The following VOPP1 variants were observed in gnomAD, a reference collection of about 807,000 sequenced individuals.
The protein encoded by VOPP1 is VOPP1 WW domain binding protein.
Under a neutral mutation model 23.5 loss-of-function variants are expected in VOPP1, and 8 were observed. That is an observed-to-expected ratio of 0.34 (90% CI 0.20 to 0.61). VOPP1 has a LOEUF of 0.61. Ranked by LOEUF, VOPP1 falls within the 20% of genes least tolerant of loss-of-function variation. VOPP1 has a pLI of 0.78. For missense variants in VOPP1, 174 were observed against 238.1 expected (o/e 0.73, Z 1.77); for synonymous variants, 83 against 97.3 (o/e 0.85, Z 0.86).
At chr7:55,542,744 C>T (rs1035997992) in intron 1 of VOPP1, among the ~76,000 whole-genome samples, 1 of 151,320 alleles carries the variant, frequency 6.6e-6, no homozygotes, top group South Asian at 2.1e-4. Context: ...GAACCGAGAT[C>T]GTGCCATTGT....
chr7:55,458,068 T>C (rs1045446979), intron 4 of VOPP1, among the ~76,000 whole-genome samples: 3 of 152,210 alleles, frequency 2.0e-5, no homozygotes, highest in African/African-American at 4.8e-5. Flanking sequence ...TCAGGTCTTA[T>C]ATTTATGTCT....
At chr7:55,445,268 TACACACACAGACACAC>T (rs1404435086) in intron 4 of VOPP1, among the ~76,000 whole-genome samples, 3 of 126,066 alleles carry the variant, frequency 2.4e-5, no homozygotes, top group African/African-American at 9.1e-5. Flanking sequence ...CACACAGACA[TACACACACAGACACAC>T]ACACACACAG....
At chr7:55,493,935 G>A (rs892117360) in intron 3 of VOPP1, among the ~76,000 whole-genome samples, 1 of 152,176 alleles carries the variant, frequency 6.6e-6, no homozygotes, top group African/African-American at 2.4e-5. Flanking sequence ...GAGCAAGACT[G>A]GGAACACTGC....
chr7:55,561,128 T>C (rs1797970841), intron 1 of VOPP1, among the ~76,000 whole-genome samples: 1 of 152,222 alleles, frequency 6.6e-6, no homozygotes, highest in Middle Eastern at 3.4e-3. Flanking sequence ...CCACAACCGC[T>C]GTGCGACCTT....
intron 1 of VOPP1, among the ~76,000 whole-genome samples, chr7:55,566,990 T>C (rs1023602799): frequency 6.6e-6 from 1 of 152,192 alleles, no homozygotes; most frequent in Non-Finnish European, 1.5e-5. Flanking sequence ...AATACTGTCA[T>C]TTCCCCTCAA....
intron 2 of VOPP1, among the ~76,000 whole-genome samples, chr7:55,499,894 C>T (rs998419124): frequency 2.0e-5 from 3 of 152,098 alleles, no homozygotes; most frequent in African/African-American, 4.8e-5. Context: ...TGCAATTCTC[C>T]GAGGCCTTCC....
chr7:55,481,855 T>A (rs1378295505), intron 4 of VOPP1, among the ~76,000 whole-genome samples: 1 of 152,160 alleles, frequency 6.6e-6, no homozygotes. Flanking sequence ...AAGCACGAAG[T>A]TTGAAACAAA....
chr7:55,444,320 G>C (rs1202292272), intron 4 of VOPP1, among the ~76,000 whole-genome samples: 1 of 152,140 alleles, frequency 6.6e-6, no homozygotes, highest in African/African-American at 2.4e-5. Context: ...TCCAAATAAA[G>C]TCGCATTCTA....
chr7:55,480,392 C>T lies in VOPP1; in HGVS notation c.329-7347G>A, dbSNP rs1240014844. Among the ~76,000 whole-genome samples the T allele has an allele frequency of 3.3e-5, 5 of 152,270 alleles. No individual in the cohort carries two copies. In the East Asian group the frequency reaches 9.6e-4, roughly 29 times the overall value. On this transcript the variant is annotated intron_variant, in intron 4 of 4. Coordinates refer to ENST00000285279, the MANE Select transcript of VOPP1 (RefSeq NM_030796.5). ...ATGAATACTTCCTTGTGATTTTCAA[C>T]TCCTTTGAATCTGTAGTGTTTTAAT...
chr7:55,457,275 A>G (rs1791390537), intron 4 of VOPP1, among the ~76,000 whole-genome samples: 1 of 152,172 alleles, frequency 6.6e-6, no homozygotes, highest in Non-Finnish European at 1.5e-5. Flanking sequence ...TCATTTTTTA[A>G]TGTTGCTGCA....
chr7:55,441,161 A>G (rs1790955402), intron 4 of VOPP1, among the ~76,000 whole-genome samples: 1 of 152,326 alleles, frequency 6.6e-6, no homozygotes, highest in South Asian at 2.1e-4. Flanking sequence ...CCCGCTCTGC[A>G]GATGGCTGTG....
chr7:55,445,532 G>A (rs928790678), intron 4 of VOPP1, among the ~76,000 whole-genome samples: 1 of 152,190 alleles, frequency 6.6e-6, no homozygotes, highest in Admixed American at 6.5e-5. Flanking sequence ...TCCAGTCTAA[G>A]TACATCTTTT....
At chr7:55,572,244 C>A (rs1798390769) in intron 1 of VOPP1, 27 bp downstream of exon 1, 4 of 1,510,154 alleles carry the variant, frequency 2.6e-6, no homozygotes, top group Non-Finnish European at 3.5e-6. Flanking sequence ...GCCGCGCCTC[C>A]GGCAGCACCC....
At chr7:55,538,717 T>C in intron 1 of VOPP1, 1 of 1,499,262 alleles carries the variant, frequency 6.7e-7, no homozygotes, top group Non-Finnish European at 9.0e-7. Flanking sequence ...GAGGGCGGAT[T>C]AAAATGAGTC....
At chr7:55,565,633 A>T (rs1798139304) in intron 1 of VOPP1, among the ~76,000 whole-genome samples, 1 of 152,242 alleles carries the variant, frequency 6.6e-6, no homozygotes. Flanking sequence ...TTAGGTTTTT[A>T]AAAAATAATA....
intron 1 of VOPP1, among the ~76,000 whole-genome samples, chr7:55,560,842 TTCCAA>T (rs1304394569): frequency 6.6e-6 from 1 of 152,164 alleles, no homozygotes; most frequent in Non-Finnish European, 1.5e-5. Context: ...CTTGTTCATT[TTCCAA>T]TCCATCAACC....
At position 55,538,741 on chromosome 7, in the gene VOPP1, T is replaced by C. The variant is rs577993463; in HGVS notation, c.55-17611A>G. On this transcript the variant is annotated intron_variant, in intron 1 of 4. Transcript: ENST00000285279. ...TTAAAATGAGTCATGGCCATTCCTA[T>C]AAAGGAACGCTTTCTAAGGGGAATG... is the stretch of plus-strand genomic sequence containing the variant. The C allele has an allele frequency of 1.1e-4, 146 of 1,304,102 alleles. 1 individual carries two copies. In the South Asian group the frequency reaches 1.8e-3, roughly 16 times the overall value. 80.8% of individuals were successfully genotyped at this position (1,304,102 alleles called of 1,614,324 possible). A position where few individuals can be genotyped will look rare whatever the true frequency, so the allele number is the denominator to read the frequency against.
intron 1 of VOPP1, among the ~76,000 whole-genome samples, chr7:55,550,794 T>G (rs1797575191): frequency 1.3e-5 from 2 of 152,130 alleles, no homozygotes; most frequent in Admixed American, 1.3e-4. Context: ...GCGCAGAAAA[T>G]GGCTGGAAGG....
chr7:55,521,418 T>C (rs565140980), intron 1 of VOPP1, among the ~76,000 whole-genome samples: 2 of 152,218 alleles, frequency 1.3e-5, no homozygotes, highest in Non-Finnish European at 2.9e-5. Context: ...CTGTTTAAAA[T>C]GTACTTGGTA....
Sources: allele counts gnomAD v4.1 joint callset (sites outside exome capture counted in the v4.1 genomes callset), GRCh38; gene constraint gnomAD v4.1.1; transcripts MANE v1.5; gene names NCBI Gene and HGNC (gene_info 2026-07-23, HGNC 2026-07-21).